KCNN2: variants seen among roughly 807,000 people sequenced by gnomAD.
The protein encoded by KCNN2 is small conductance calcium-activated potassium channel protein 2.
Under a neutral mutation model 55.5 loss-of-function variants are expected in KCNN2, and 24 were observed. That is an observed-to-expected ratio of 0.43 (90% CI 0.31 to 0.61). The LOEUF (loss-of-function observed/expected upper bound fraction) is 0.61, where lower values mean the gene tolerates loss of function less well. KCNN2 is among the 20% of genes least tolerant of loss of function. The probability of loss-of-function intolerance (pLI) is 0.08; values close to 1 mark genes in which losing one functional copy is unlikely to be tolerated. For missense variants in KCNN2, 754 were observed against 853.6 expected, an observed-to-expected ratio of 0.88 and a Z score of 1.45; for synonymous variants, 431 against 336.1, an observed-to-expected ratio of 1.28 and a Z score of -3.09.
At position 114,289,991 on chromosome 5, in the gene KCNN2, C is replaced by T. The variant is rs182534414; in HGVS notation, c.-185+68426C>T. On this transcript the variant is annotated intron_variant, in intron 2 of 10. Coordinates refer to the KCNN2 transcript ENST00000512097. Reference sequence around the variant, plus strand: ...TTTATTGCTGGCATAAAAAACACAACTGTACTGTGTTTTGCTCTTGTACCC... The same window carrying T: ...TTTATTGCTGGCATAAAAAACACAATTGTACTGTGTTTTGCTCTTGTACCC... 8.5e-5 allele frequency among the ~76,000 whole-genome samples: 13 copies of T among 152,244 alleles called. No homozygotes were observed. The East Asian group carries it at 2.5e-3, about 29-fold the overall frequency.
At chr5:114,414,057 C>T (rs1030775113) in intron 3 of KCNN2, among the ~76,000 whole-genome samples, 8 of 152,058 alleles carry the variant, frequency 5.3e-5, no homozygotes, top group Non-Finnish European at 7.4e-5. Context: ...ATAAATAGGG[C>T]TTGGTTGGAG....
intron 2 of KCNN2, among the ~76,000 whole-genome samples, chr5:114,340,032 A>T (rs1756988730): frequency 6.6e-6 from 1 of 152,068 alleles, no homozygotes; most frequent in Non-Finnish European, 1.5e-5. Context: ...TGGATATATG[A>T]CTCAAGTCAG....
chr5:114,063,767 C>G (rs1297045817), intron 1 of KCNN2, among the ~76,000 whole-genome samples: 2 of 152,168 alleles, frequency 1.3e-5, no homozygotes, highest in African/African-American at 2.4e-5. Flanking sequence ...CCTAGGAAAC[C>G]ACTCAGTCCC....
chr5:114,357,869 C>A (rs1220658317), upstream of KCNN2, among the ~76,000 whole-genome samples: 9 of 151,778 alleles, frequency 5.9e-5, no homozygotes, highest in Middle Eastern at 3.4e-3. Flanking sequence ...CCTGAGGAAT[C>A]GCCACACTGA....
intron 2 of KCNN2, among the ~76,000 whole-genome samples, chr5:114,225,685 A>G (rs532000845): frequency 2.6e-5 from 4 of 152,150 alleles, no homozygotes; most frequent in Non-Finnish European, 5.9e-5. Flanking sequence ...TTATCTACAA[A>G]GAAAAAAAAA....
In KCNN2 at chr5:114,458,086, C is replaced by G. The variant is rs371529089; in HGVS notation, c.1638-4963C>G. 1.1e-4 allele frequency among the ~76,000 whole-genome samples: 16 copies of G among 152,060 alleles called. No individual in the cohort carries two copies. In the East Asian group the frequency reaches 2.7e-3, roughly 26 times the overall value. ...TCCCTTTGTTCTTGTTGGTTTACAC[C>G]TTTTAAAAAAAATGCATTGCTGTCA... On this transcript the variant is annotated intron_variant, in intron 3 of 7. Transcript: ENST00000673685.
intron 3 of KCNN2, among the ~76,000 whole-genome samples, chr5:114,421,281 TA>T (rs1426748276): frequency 1.3e-5 from 2 of 151,746 alleles, no homozygotes; most frequent in African/African-American, 4.8e-5. Flanking sequence ...ATTAATTAAT[TA>T]ATTAATTTTA....
In KCNN2 at chr5:114,304,355, C is replaced by T. The variant is rs567937593; in HGVS notation, c.-184-56590C>T. Among the ~76,000 whole-genome samples the T allele has an allele frequency of 4.6e-5, 7 of 152,268 alleles. No homozygotes were observed. The South Asian group carries it at 1.4e-3, about 32-fold the overall frequency. On this transcript the variant is annotated intron_variant, in intron 2 of 10. Coordinates refer to the KCNN2 transcript ENST00000512097. ...TCTGGGCCATCTTATCATGCAACTT[C>T]TTTAGGCCTTTTGGCCCCACTCAGA...
intron 2 of KCNN2, among the ~76,000 whole-genome samples, chr5:114,286,961 A>G (rs1021491192): frequency 2.0e-5 from 3 of 152,232 alleles, no homozygotes; most frequent in Non-Finnish European, 4.4e-5. Context: ...CTTTCTCTTT[A>G]TATTCCAATG....
chr5:114,162,363 G>A (rs747069027), intron 1 of KCNN2, among the ~76,000 whole-genome samples: 6 of 152,164 alleles, frequency 3.9e-5, no homozygotes, highest in Non-Finnish European at 7.3e-5. Flanking sequence ...TGCTTTGGAA[G>A]TTTTGTCTCA....
intron 1 of KCNN2, among the ~76,000 whole-genome samples, chr5:114,117,596 A>G (rs974856807): frequency 1.3e-5 from 2 of 152,214 alleles, no homozygotes; most frequent in African/African-American, 4.8e-5. Context: ...GGACCCAGGC[A>G]TCCAGAAGAG....
intron 1 of KCNN2, among the ~76,000 whole-genome samples, chr5:114,160,460 C>G (rs993991603): frequency 1.3e-5 from 2 of 152,140 alleles, no homozygotes; most frequent in Non-Finnish European, 2.9e-5. Flanking sequence ...TGGTCTGGTG[C>G]TGAAAAGAAT....
chr5:114,381,911 A>G (rs1758136850), intron 2 of KCNN2, among the ~76,000 whole-genome samples: 1 of 152,168 alleles, frequency 6.6e-6, no homozygotes, highest in South Asian at 2.1e-4. Context: ...GCCAGTCCTC[A>G]TGATAGTGCT....
At chr5:114,335,070 C>A (rs549949028) in intron 2 of KCNN2, among the ~76,000 whole-genome samples, 1 of 152,266 alleles carries the variant, frequency 6.6e-6, no homozygotes, top group East Asian at 1.9e-4. Context: ...ACTACAGGCG[C>A]CCGCCTCCAC....
intron 1 of KCNN2, among the ~76,000 whole-genome samples, chr5:114,163,257 G>T (rs924444227): frequency 6.6e-6 from 1 of 152,114 alleles, no homozygotes; most frequent in Non-Finnish European, 1.5e-5. Flanking sequence ...TTGACTTCCT[G>T]TCTTCCAGTT....
intron 2 of KCNN2, among the ~76,000 whole-genome samples, chr5:114,249,315 G>C (rs2112624584): frequency 6.9e-6 from 1 of 145,890 alleles, no homozygotes; most frequent in South Asian, 2.2e-4. Context: ...AGGGAATCTG[G>C]CTCTGTCACC....
intron 2 of KCNN2, among the ~76,000 whole-genome samples, chr5:114,227,046 T>C (rs1403545818): frequency 6.6e-6 from 1 of 152,210 alleles, no homozygotes; most frequent in Non-Finnish European, 1.5e-5. Context: ...GTTTATTTTC[T>C]TGACCACTCA....
intron 1 of KCNN2, among the ~76,000 whole-genome samples, chr5:114,167,189 A>G (rs1752930936): frequency 6.6e-6 from 1 of 152,110 alleles, no homozygotes; most frequent in Admixed American, 6.6e-5. Flanking sequence ...ACCAGCCTTC[A>G]CATCTTCTCA....
intron 1 of KCNN2, among the ~76,000 whole-genome samples, chr5:114,185,272 G>C (rs1221595537): frequency 6.6e-6 from 1 of 152,172 alleles, no homozygotes; most frequent in Non-Finnish European, 1.5e-5. Flanking sequence ...ATTTCCTCTT[G>C]CAAAATCAAT....
Sources: allele counts gnomAD v4.1 joint callset (sites outside exome capture counted in the v4.1 genomes callset), GRCh38; gene constraint gnomAD v4.1.1; transcripts MANE v1.5; gene names NCBI Gene and HGNC (gene_info 2026-07-23, HGNC 2026-07-21).